Variants in AGFG1 observed in about 807,000 individuals in gnomAD.
AGFG1 encodes ArfGAP with FG repeats 1, also known as arf-GAP domain and FG repeat-containing protein 1.
Under a neutral mutation model 60.6 loss-of-function variants are expected in AGFG1, and 10 were observed. The observed-to-expected ratio is 0.16, with a 90% CI of 0.10 to 0.28. The LOEUF (loss-of-function observed/expected upper bound fraction) is 0.28. Ranked by LOEUF, AGFG1 falls within the 10% of genes least tolerant of loss-of-function variation. The pLI is 1.00. For missense variants in AGFG1, 537 were observed against 676.5 expected (o/e 0.79, Z 2.29); for synonymous variants, 247 against 242.9 (o/e 1.02, Z -0.16).
intron 1 of AGFG1, among the ~76,000 whole-genome samples, chr2:227,478,472 T>A (rs1238115709): frequency 6.6e-6 from 1 of 151,916 alleles, no homozygotes; most frequent in Non-Finnish European, 1.5e-5. Flanking sequence ...GCTTCCCAGG[T>A]ACCTGGGACT....
chr2:227,551,907 A>C, intron 10 of AGFG1, 52 bp from the exon 11 acceptor site: 1 of 1,573,388 alleles, frequency 6.4e-7, no homozygotes. Flanking sequence ...ATGTTGTGAG[A>C]AACTAAACAT....
intron 1 of AGFG1, among the ~76,000 whole-genome samples, chr2:227,487,800 G>A (rs1690685422): frequency 6.6e-6 from 1 of 152,178 alleles, no homozygotes; most frequent in Admixed American, 6.5e-5. Flanking sequence ...TCATCACTCT[G>A]AATGCTACTT....
Position 227,559,619 on chromosome 2 carries a change from T to G in AGFG1, c.*5124T>G, listed in dbSNP as rs1179074179. On this transcript the variant is annotated 3_prime_UTR_variant, in exon 13 of 13. Coordinates refer to ENST00000310078, the MANE Select transcript of AGFG1 (RefSeq NM_004504.5). ...CTAGATAAAATATTTTAGATGGTGATTAAAATGCCCATAGATTAATTTTTT... is the reference window on the plus strand; with the variant it reads ...CTAGATAAAATATTTTAGATGGTGAGTAAAATGCCCATAGATTAATTTTTT... 2.0e-5 allele frequency: 3 copies of G among 152,154 alleles called. No individual in the cohort carries two copies. Among genetic ancestry groups the G allele is most frequent in the Non-Finnish European group, 4.4e-5 (3 of 67,996 alleles). 9.4% of individuals were successfully genotyped at this position (152,154 alleles called of 1,614,324 possible).
Position 227,484,676 on chromosome 2 carries a change from AGTTTTTTTTTT to A in AGFG1, c.168-6859_168-6849del, listed in dbSNP as rs758727105. Among the ~76,000 whole-genome samples, 33 of 99,562 alleles carry A rather than the reference AGTTTTTTTTTT, an allele frequency of 3.3e-4. 3 individuals are homozygous for A. The highest frequency in any genetic ancestry group is 8.2e-4 in the African/African-American group (21 of 25,740). The allele number at this position is 99,562 out of a possible 152,430, so 65.3% of individuals were successfully genotyped here. A position where few individuals can be genotyped will look rare whatever the true frequency, so the allele number is the denominator to read the frequency against. ...TAAGCTTCTTTAATGAAGATCTCTT[AGTTTTTTTTTT>A]GTTTTTTTTTTTTTTTTTTTTTTTT... On this transcript the variant is annotated intron_variant, in intron 1 of 12. Coordinates refer to ENST00000310078, the MANE Select transcript of AGFG1 (RefSeq NM_004504.5).
At chr2:227,505,413 C>T (rs1691282282) in intron 2 of AGFG1, among the ~76,000 whole-genome samples, 1 of 152,152 alleles carries the variant, frequency 6.6e-6, no homozygotes, top group Non-Finnish European at 1.5e-5. Context: ...TTTTCTGCCT[C>T]ATTCTCTCTC....
chr2:227,510,729 C>T (rs969673003), intron 2 of AGFG1: 1 of 152,120 alleles, frequency 6.6e-6, no homozygotes, highest in Admixed American at 6.6e-5. Context: ...CTATCTAGAA[C>T]ACAGTTCTGA....
chr2:227,508,556 AAC>A, intron 2 of AGFG1: 1 of 464,542 alleles, frequency 2.2e-6, no homozygotes, highest in Non-Finnish European at 4.4e-6. Context: ...GGGAGGCAAG[AAC>A]ACACCTTTGG....
chr2:227,486,180 GAAC>G (rs1414247312), intron 1 of AGFG1, among the ~76,000 whole-genome samples: 1 of 152,184 alleles, frequency 6.6e-6, no homozygotes, highest in Non-Finnish European at 1.5e-5. Context: ...CTTGCTTTCT[GAAC>G]AACATTGCTT....
intron 1 of AGFG1, among the ~76,000 whole-genome samples, chr2:227,478,279 T>A (rs1690345807): frequency 6.6e-6 from 1 of 150,778 alleles, no homozygotes; most frequent in Non-Finnish European, 1.5e-5. Flanking sequence ...TACATATACA[T>A]GTATCTATTA....
At chr2:227,518,706 A>G (rs1259292408) in intron 2 of AGFG1, among the ~76,000 whole-genome samples, 1 of 151,618 alleles carries the variant, frequency 6.6e-6, no homozygotes, top group Non-Finnish European at 1.5e-5. Flanking sequence ...TTGTATTTTT[A>G]GTAGAGATGG....
At chr2:227,506,350 G>A in intron 2 of AGFG1, among the ~76,000 whole-genome samples, 1 of 152,080 alleles carries the variant, frequency 6.6e-6, no homozygotes, top group East Asian at 1.9e-4. Flanking sequence ...GGTCAGGAGT[G>A]AGCCAGAGAC....
intron 7 of AGFG1, 101 bp from the exon 8 acceptor site, chr2:227,534,744 A>G: frequency 8.0e-7 from 1 of 1,257,276 alleles, no homozygotes; most frequent in Non-Finnish European, 1.1e-6. Flanking sequence ...GCTTAACTCT[A>G]AATCCATTTT....
At chr2:227,489,847 GCT>G (rs1358751776) in intron 1 of AGFG1, among the ~76,000 whole-genome samples, 3 of 148,978 alleles carry the variant, frequency 2.0e-5, no homozygotes, top group African/African-American at 7.4e-5. Context: ...ACAGAATCTT[GCT>G]CTGTTTTCCA....
intron 6 of AGFG1, among the ~76,000 whole-genome samples, chr2:227,531,637 T>A (rs1692163940): frequency 6.6e-6 from 1 of 151,206 alleles, no homozygotes; most frequent in African/African-American, 2.4e-5. Flanking sequence ...CTCACTATGT[T>A]GCCCAGGCTG....
chr2:227,523,745 G>GT lies in AGFG1; in HGVS notation c.378-12dup, dbSNP rs746238144. On this transcript the variant is annotated splice_polypyrimidine_tract_variant and intron_variant, in intron 3 of 12. Coordinates refer to ENST00000310078, the MANE Select transcript of AGFG1 (RefSeq NM_004504.5). ...TACCTACATTTTTTTTTAGTTAACT[G>GT]TTTTTTACATGTTTTAGGTATGTCC... 13 of 1,586,680 alleles carry GT rather than the reference G, an allele frequency of 8.2e-6. No individual in the cohort carries two copies. Among genetic ancestry groups the GT allele is most frequent in the African/African-American group, 2.7e-5 (2 of 74,100 alleles).
At chr2:227,549,409 G>A (rs1692753397) in intron 10 of AGFG1, among the ~76,000 whole-genome samples, 1 of 152,178 alleles carries the variant, frequency 6.6e-6, no homozygotes, top group South Asian at 2.1e-4. Context: ...AACTTTATAT[G>A]TAACCTGTCT....
intron 2 of AGFG1, among the ~76,000 whole-genome samples, chr2:227,501,038 C>T (rs897562158): frequency 6.6e-6 from 1 of 151,832 alleles, no homozygotes; most frequent in Admixed American, 6.6e-5. Context: ...AGGTGATCCA[C>T]CTACCTCAGC....
chr2:227,534,749 CATTTT>C lies in AGFG1; in HGVS notation c.1025-94_1025-90del, dbSNP rs1351268429. 20 of 1,291,758 alleles carry C rather than the reference CATTTT, an allele frequency of 1.5e-5. No individual in the cohort carries two copies. The Middle Eastern group carries it at 1.4e-3, about 89-fold the overall frequency. The allele number at this position is 1,291,758 out of a possible 1,614,324, so 80.0% of individuals were successfully genotyped here. A position where few individuals can be genotyped will look rare whatever the true frequency, so the allele number is the denominator to read the frequency against. On this transcript the variant is annotated intron_variant, in intron 7 of 12. Coordinates refer to ENST00000310078, the MANE Select transcript of AGFG1 (RefSeq NM_004504.5). ...TTGGAATCCTGCTTAACTCTAAATCCATTTTAAGTTTACCTGTGTTTCATGGCAAA... is the reference window on the plus strand; with the variant it reads ...TTGGAATCCTGCTTAACTCTAAATCCAAGTTTACCTGTGTTTCATGGCAAA...
chr2:227,557,076 G>T lies in AGFG1; in HGVS notation c.*2581G>T, dbSNP rs537348789. 5.3e-5 allele frequency: 8 copies of T among 152,204 alleles called. No homozygotes were observed. The highest frequency in any genetic ancestry group is 5.2e-4 in the Admixed American group (8 of 15,288). The allele number at this position is 152,204 out of a possible 1,614,324, so 9.4% of individuals were successfully genotyped here. On this transcript the variant is annotated 3_prime_UTR_variant, in exon 13 of 13. Coordinates refer to ENST00000310078, the MANE Select transcript of AGFG1 (RefSeq NM_004504.5). ...TTATATAGACCATCAAAATTATGTT[G>T]AGTACTAAAAAGGAGAAAAAATCCT... is the stretch of plus-strand genomic sequence containing the variant.
Sources: allele counts gnomAD v4.1 joint callset (sites outside exome capture counted in the v4.1 genomes callset), GRCh38; gene constraint gnomAD v4.1.1; transcripts MANE v1.5; gene names NCBI Gene and HGNC (gene_info 2026-07-23, HGNC 2026-07-21).